SLC35D1: variants seen among roughly 807,000 people sequenced by gnomAD.
SLC35D1 encodes the protein solute carrier family 35 member D1, also known as nucleotide sugar transporter SLC35D1.
SLC35D1 carries 31 observed loss-of-function variants against 46.7 expected under a neutral mutation model. The ratio of observed to expected loss-of-function variants is 0.66; its 90% CI spans 0.50 to 0.90. The LOEUF (loss-of-function observed/expected upper bound fraction) is 0.90, where lower values mean the gene tolerates loss of function less well. Ranked by LOEUF, SLC35D1 falls within the 40% of genes least tolerant of loss-of-function variation. SLC35D1 has a pLI of 0.00. For synonymous variants in SLC35D1, 195 were observed against 164.6 expected (o/e 1.18, Z -1.41); for missense variants, 397 against 426.2 (o/e 0.93, Z 0.60).
the SLC35D1 span, among the ~76,000 whole-genome samples, chr1:66,978,422 C>T: frequency 6.6e-6 from 1 of 151,986 alleles, no homozygotes; most frequent in Admixed American, 6.6e-5. Flanking sequence ...TACATCATCC[C>T]CCATTATTCA....
downstream of SLC35D1, among the ~76,000 whole-genome samples, chr1:66,998,508 A>C (rs957519830): frequency 3.9e-5 from 6 of 152,156 alleles, no homozygotes; most frequent in African/African-American, 1.4e-4. Flanking sequence ...AACACACACA[A>C]AAAAGTGGGA....
chr1:67,054,118 G>T lies in SLC35D1; in HGVS notation c.-105C>A. Reference sequence around the variant, plus strand: ...GAGTTGGGGACCGCAGACTAGGCCAGCTGCGCGCTCGCCGCCTCGACTCCC... The same window carrying T: ...GAGTTGGGGACCGCAGACTAGGCCATCTGCGCGCTCGCCGCCTCGACTCCC... On this transcript the variant is annotated 5_prime_UTR_variant, in exon 1 of 12. In the 5' UTR this introduces an upstream ATG that the reference lacks. Transcript: ENST00000235345. 8.6e-7 allele frequency: 1 copy of T among 1,169,304 alleles called. No homozygotes were observed. Among genetic ancestry groups the T allele is most frequent in the Non-Finnish European group, 1.2e-6 (1 of 842,114 alleles). 72.4% of individuals were successfully genotyped at this position (1,169,304 alleles called of 1,614,324 possible).
At chr1:67,032,017 G>T (rs888146503) in intron 8 of SLC35D1, 5 of 979,894 alleles carry the variant, frequency 5.1e-6, no homozygotes, top group Non-Finnish European at 6.1e-6. Context: ...TGAAGAGAAT[G>T]ACCTACCTGG....
chr1:67,010,997 A>G (rs550088411), intron 10 of SLC35D1, among the ~76,000 whole-genome samples: 1 of 152,268 alleles, frequency 6.6e-6, no homozygotes, highest in South Asian at 2.1e-4. Context: ...CTAAAAAAGC[A>G]TTTATCATCT....
At chr1:66,990,865 T>TCC in the SLC35D1 span, among the ~76,000 whole-genome samples, 1 of 152,160 alleles carries the variant, frequency 6.6e-6, no homozygotes, top group Non-Finnish European at 1.5e-5. Context: ...ACAGTAAGCC[T>TCC]CCTGAAGGGG....
the SLC35D1 span, among the ~76,000 whole-genome samples, chr1:66,976,961 ATAT>A: frequency 3.9e-5 from 6 of 152,368 alleles, no homozygotes; most frequent in African/African-American, 1.4e-4. Flanking sequence ...ACTACAGTTC[ATAT>A]TATGTATGAG....
intron 10 of SLC35D1, among the ~76,000 whole-genome samples, chr1:67,011,991 G>A (rs1667575048): frequency 1.3e-5 from 2 of 152,038 alleles, no homozygotes; most frequent in Admixed American, 6.6e-5. Context: ...TTGTCATTTT[G>A]TGCCCTTGAA....
At chr1:67,053,785 C>A in intron 1 of SLC35D1, 26 bp downstream of exon 1, 1 of 1,545,100 alleles carries the variant, frequency 6.5e-7, no homozygotes, top group African/African-American at 1.4e-5. Flanking sequence ...CCTCCGCGGC[C>A]TGGGCCGCCG....
At chr1:67,021,239 T>A (rs565044174) in intron 9 of SLC35D1, among the ~76,000 whole-genome samples, 2 of 152,214 alleles carry the variant, frequency 1.3e-5, no homozygotes, top group African/African-American at 4.8e-5. Flanking sequence ...TAAAGTTCTA[T>A]CTGTCAAATG....
chr1:66,983,585 G>GAATTTGTATTTACTTTTTAAGT, the SLC35D1 span, among the ~76,000 whole-genome samples: 4 of 151,960 alleles, frequency 2.6e-5, no homozygotes, highest in Admixed American at 1.3e-4. Flanking sequence ...ACCTACTATA[G>GAATTTGTATTTACTTTTTAAGT]AATTTGTATT....
At chr1:66,981,667 A>C in the SLC35D1 span, 1 of 768,022 alleles carries the variant, frequency 1.3e-6, no homozygotes, top group Non-Finnish European at 2.1e-6. Flanking sequence ...ACTGGAATGA[A>C]TGTTAAGTGA....
chr1:66,995,470 A>C (rs1217449245), downstream of SLC35D1, among the ~76,000 whole-genome samples: 1 of 113,168 alleles, frequency 8.8e-6, no homozygotes, highest in South Asian at 2.8e-4. Flanking sequence ...AAAAAAAAAA[A>C]AAAAAAAAAA....
At chr1:67,026,972 C>T (rs1667927887) in intron 8 of SLC35D1, among the ~76,000 whole-genome samples, 1 of 152,148 alleles carries the variant, frequency 6.6e-6, no homozygotes, top group African/African-American at 2.4e-5. Context: ...CAATTATCTC[C>T]ACCTGGTCCC....
At chr1:67,049,751 A>G (rs1482926660) in intron 6 of SLC35D1, 31 bp downstream of exon 6, 2 of 1,575,864 alleles carry the variant, frequency 1.3e-6, no homozygotes, top group African/African-American at 2.7e-5. Context: ...TTGACAATTT[A>G]TAATGTGCTA....
chr1:66,989,110 C>G, the SLC35D1 span, among the ~76,000 whole-genome samples: 1 of 152,132 alleles, frequency 6.6e-6, no homozygotes, highest in Admixed American at 6.5e-5. Context: ...AAAAAAATTT[C>G]CTGCAGAGCT....
downstream of SLC35D1, among the ~76,000 whole-genome samples, chr1:66,997,037 T>G (rs1667245574): frequency 6.6e-6 from 1 of 152,096 alleles, no homozygotes; most frequent in South Asian, 2.1e-4. Context: ...ATTATAAAAC[T>G]CACATTGGAT....
At chr1:67,041,357 C>A (rs1668238240) in intron 8 of SLC35D1, among the ~76,000 whole-genome samples, 1 of 152,182 alleles carries the variant, frequency 6.6e-6, no homozygotes, top group Non-Finnish European at 1.5e-5. Context: ...TGGGAAACAG[C>A]TTCATAAGCT....
the SLC35D1 span, among the ~76,000 whole-genome samples, chr1:66,990,692 G>T: frequency 6.6e-6 from 1 of 152,130 alleles, no homozygotes; most frequent in African/African-American, 2.4e-5. Context: ...ATCTATTTTC[G>T]TGTATATGTA....
chr1:67,018,470 C>T (rs1558153748), intron 10 of SLC35D1, among the ~76,000 whole-genome samples: 1 of 152,110 alleles, frequency 6.6e-6, no homozygotes, highest in Non-Finnish European at 1.5e-5. Context: ...AAGACACCAA[C>T]GTCTTCAAAA....
Sources: gnomAD v4.1 joint callset for allele counts (sites outside exome capture counted in the v4.1 genomes callset) on GRCh38, gnomAD v4.1.1 for gene constraint, MANE v1.5 for transcripts, NCBI Gene and HGNC (gene_info 2026-07-23, HGNC 2026-07-21) for gene names.